The following PTPN3 variants were observed in gnomAD, a reference collection of about 807,000 sequenced individuals.
PTPN3 encodes protein tyrosine phosphatase non-receptor type 3, also known as tyrosine-protein phosphatase non-receptor type 3.
A neutral mutation model predicts 132.7 loss-of-function variants in PTPN3; 96 were observed. The observed-to-expected ratio is 0.72, with a 90% CI of 0.61 to 0.86. The LOEUF (loss-of-function observed/expected upper bound fraction) is 0.86, where lower values mean the gene tolerates loss of function less well. Among genes scored for constraint, PTPN3 ranks in the 40% least tolerant of loss-of-function variants. The probability of loss-of-function intolerance (pLI) is 0.00; values close to 1 mark genes in which losing one functional copy is unlikely to be tolerated. For missense variants in PTPN3, 1,125 were observed against 1,159.6 expected, an observed-to-expected ratio of 0.97 and a Z score of 0.43; for synonymous variants, 398 against 429.0, an observed-to-expected ratio of 0.93 and a Z score of 0.89.
At chr9:109,448,965 A>AT (rs1845052526) in intron 5 of PTPN3, 110 bp from the exon 6 acceptor site, 3 of 1,503,898 alleles carry the variant, frequency 2.0e-6, no homozygotes, top group Non-Finnish European at 2.6e-6. Flanking sequence ...TGAAAGATAC[A>AT]TAAAAATACG....
At chr9:109,379,996 G>A (rs1015063541) in intron 25 of PTPN3, among the ~76,000 whole-genome samples, 2 of 152,296 alleles carry the variant, frequency 1.3e-5, no homozygotes, top group African/African-American at 4.8e-5. Context: ...TCAACACCTA[G>A]GCATGTGGAG....
the PTPN3 span, among the ~76,000 whole-genome samples, chr9:109,530,101 A>C: frequency 6.6e-6 from 1 of 152,190 alleles, no homozygotes; most frequent in East Asian, 1.9e-4. Context: ...CATTACTAGT[A>C]TAACTATTTG....
At chr9:109,464,894 G>A (rs1323516598) in intron 1 of PTPN3, among the ~76,000 whole-genome samples, 1 of 152,210 alleles carries the variant, frequency 6.6e-6, no homozygotes, top group African/African-American at 2.4e-5. Context: ...GCTGATAGAA[G>A]AAAGGATAAT....
chr9:109,491,199 C>CAA (rs377168790), intron 1 of PTPN3, among the ~76,000 whole-genome samples: 22 of 118,174 alleles, frequency 1.9e-4, no homozygotes, highest in African/African-American at 5.5e-4. Context: ...CACTCTCTCT[C>CAA]AAAAAAAAAA....
intron 9 of PTPN3, 75 bp from the exon 10 acceptor site, chr9:109,433,236 A>G: frequency 6.3e-7 from 1 of 1,582,146 alleles, no homozygotes; most frequent in Admixed American, 1.8e-5. Context: ...TAAAGCACCC[A>G]CGCTGTTATA....
At chr9:109,491,599 GT>G (rs1412486401) in intron 1 of PTPN3, among the ~76,000 whole-genome samples, 1 of 152,166 alleles carries the variant, frequency 6.6e-6, no homozygotes, top group African/African-American at 2.4e-5. Flanking sequence ...CGGGAGACAG[GT>G]ACTAATACAA....
intron 1 of PTPN3, among the ~76,000 whole-genome samples, chr9:109,475,873 C>T (rs78579422): frequency 0.034 from 5,155 of 152,282 alleles, 204 homozygotes; most frequent in East Asian, 0.23. Context: ...AGTCTGAAGC[C>T]AGTGGTAGTC....
chr9:109,381,828 T>A (rs879006558), intron 24 of PTPN3, 41 bp from the exon 25 acceptor site: 3 of 1,612,542 alleles, frequency 1.9e-6, no homozygotes, highest in South Asian at 2.2e-5. Flanking sequence ...TTTGTCTGAG[T>A]AGCCTTTCTG....
chr9:109,450,719 A>C, intron 5 of PTPN3: 1 of 985,376 alleles, frequency 1.0e-6, no homozygotes, highest in South Asian at 4.7e-5. Context: ...AATGAAGAAG[A>C]TATTTATTTA....
At chr9:109,520,899 C>T in the PTPN3 span, among the ~76,000 whole-genome samples, 8 of 152,182 alleles carry the variant, frequency 5.3e-5, no homozygotes, top group Admixed American at 3.9e-4. Flanking sequence ...CTTGCACACA[C>T]GCCCTCTACA....
Position 109,463,385 on chromosome 9 carries a change from G to C in PTPN3, c.50C>G (p.Thr17Ser). ...ALGGRINNIRTSELPKEKTRS... is the reference protein window; with the variant it reads ...ALGGRINNIRSSELPKEKTRS... The stretch of plus-strand genomic sequence containing the variant: ...AGTTTTCTCTTTGGGTAACTCCGAG[G>C]TGCGTATATTATTAATTCTTCCACC... Residue 17 changes from threonine to serine, a missense_variant, in exon 2 of 26, where the codon ACC becomes AGC. By Grantham distance (58) the Thr-to-Ser change is moderately conservative. Transcript: ENST00000374541. 6.2e-7 allele frequency: 1 copy of C among 1,613,292 alleles called. No homozygotes were observed. Among genetic ancestry groups the C allele is most frequent in the Non-Finnish European group, 8.5e-7 (1 of 1,179,838 alleles).
At chr9:109,379,915 G>A (rs1838891102) in intron 25 of PTPN3, among the ~76,000 whole-genome samples, 1 of 152,188 alleles carries the variant, frequency 6.6e-6, no homozygotes, top group Non-Finnish European at 1.5e-5. Context: ...AGCCCTTCTT[G>A]TAAGTGGAAG....
chr9:109,447,135 T>C (rs1223330528), intron 6 of PTPN3, among the ~76,000 whole-genome samples: 1 of 152,190 alleles, frequency 6.6e-6, no homozygotes, highest in East Asian at 1.9e-4. Context: ...TTAACAGATT[T>C]GCCCTGATTC....
the PTPN3 span, among the ~76,000 whole-genome samples, chr9:109,527,297 C>T: frequency 6.6e-6 from 1 of 152,126 alleles, no homozygotes; most frequent in Non-Finnish European, 1.5e-5. Flanking sequence ...CCTGTCTCTA[C>T]TAAAAACACA....
At chr9:109,493,019 C>A (rs1847528599) in intron 1 of PTPN3, among the ~76,000 whole-genome samples, 1 of 152,174 alleles carries the variant, frequency 6.6e-6, no homozygotes, top group African/African-American at 2.4e-5. Flanking sequence ...ACTTCCCAAG[C>A]AAAATGTTTT....
At chr9:109,512,121 A>G in the PTPN3 span, among the ~76,000 whole-genome samples, 84 of 152,274 alleles carry the variant, frequency 5.5e-4, no homozygotes, top group Middle Eastern at 3.4e-3. Context: ...CATTTTTATC[A>G]TCAGGGCCTC....
intron 19 of PTPN3, among the ~76,000 whole-genome samples, chr9:109,399,132 A>C (rs1232145258): frequency 1.3e-5 from 2 of 152,238 alleles, no homozygotes; most frequent in Non-Finnish European, 2.9e-5. Context: ...TACACTCAGC[A>C]ATGGCGAGTT....
At chr9:109,474,505 G>C (rs913156922) in intron 1 of PTPN3, among the ~76,000 whole-genome samples, 24 of 152,262 alleles carry the variant, frequency 1.6e-4, no homozygotes, top group African/African-American at 5.5e-4. Context: ...CCACCAGGGT[G>C]GGGTGGGTGT....
intron 19 of PTPN3, chr9:109,397,500 C>T (rs1000956129): frequency 2.0e-5 from 3 of 152,194 alleles, no homozygotes; most frequent in African/African-American, 4.8e-5. Flanking sequence ...TGTTTTAGTA[C>T]CACTTGGTAG....
Sources: gnomAD v4.1 joint callset for allele counts (sites outside exome capture counted in the v4.1 genomes callset) on GRCh38, gnomAD v4.1.1 for gene constraint, MANE v1.5 for transcripts, NCBI Gene and HGNC (gene_info 2026-07-23, HGNC 2026-07-21) for gene names.